FANCA: variants seen among roughly 807,000 people sequenced by gnomAD.
The protein encoded by FANCA is Fanconi anemia group A protein.
In FANCA, 236 loss-of-function variants were observed where a neutral mutation model predicts 194.3. That is an observed-to-expected ratio of 1.21 (90% CI 1.09 to 1.35). The LOEUF is 1.35. Among genes scored for constraint, FANCA ranks in the 40% most tolerant of loss-of-function variants. The pLI is 0.00. For synonymous variants in FANCA, 1,014 were observed against 715.8 expected (o/e 1.42, Z -6.65); for missense variants, 2,628 against 1,813.9 (o/e 1.45, Z -8.15).
intron 39 of FANCA, 135 bp from the exon 40 acceptor site, chr16:89,739,688 C>T: frequency 6.6e-7 from 1 of 1,515,720 alleles, no homozygotes; most frequent in African/African-American, 1.4e-5. Flanking sequence ...ACAGCCTGAG[C>T]TGAGGATACC....
intron 3 of FANCA, among the ~76,000 whole-genome samples, chr16:89,811,420 T>C (rs2040873791): frequency 6.6e-6 from 1 of 152,242 alleles, no homozygotes; most frequent in African/African-American, 2.4e-5. Context: ...GCAGGCTCTT[T>C]CAATTACATT....
In FANCA at chr16:89,769,902, A is replaced by C. The variant is rs2143332287; in HGVS notation, c.2439T>G (p.Pro813=). 1 of 1,614,100 alleles carries C rather than the reference A, an allele frequency of 6.2e-7. No individual in the cohort carries two copies. Among genetic ancestry groups the C allele is most frequent in the South Asian group, 1.1e-5 (1 of 91,084 alleles). Residue 813 remains proline, a synonymous_variant, in exon 26 of 43, where the codon CCT becomes CCG. Transcript: ENST00000389301. ...GGAGGCTGTCAAAGAGCGCAGGGAC[A>C]GGAAGGCCAGCACCAGGTGCAGGAG... ...VGPPAPGAGL[P]VPALFDSLLT...
At chr16:89,758,523 T>G in intron 30 of FANCA, 54 bp downstream of exon 30, 1 of 1,599,308 alleles carries the variant, frequency 6.3e-7, no homozygotes, top group East Asian at 2.2e-5. Flanking sequence ...CCTTTATATA[T>G]ATCCTATTAG....
chr16:89,811,038 C>A lies in FANCA; in HGVS notation c.317G>T (p.Gly106Val). 6.2e-7 allele frequency: 1 copy of A among 1,614,062 alleles called. No homozygotes were observed. The highest frequency in any genetic ancestry group is 8.5e-7 in the Non-Finnish European group (1 of 1,180,038). Residue 106 changes from glycine (G) to valine (V), a missense_variant, in exon 4 of 43, where the codon GGG (glycine) becomes GTG (valine). Transcript: ENST00000389301. ...GGCTGAGAGAATACCCACGGGAACC[C>A]CCAGCCTTGAGGCTTGATCCTGCAA... Reference protein sequence around the residue: ...SALQDQASRLGVPVGILSAGM... With the variant: ...SALQDQASRLVVPVGILSAGM...
At chr16:89,739,410 C>G in intron 40 of FANCA, 68 bp downstream of exon 40, 1 of 1,561,514 alleles carries the variant, frequency 6.4e-7, no homozygotes, top group Non-Finnish European at 8.7e-7. Context: ...CTGGCGGGAC[C>G]CAGAGGTGCT....
chr16:89,816,472 G>C (rs781314230), intron 1 of FANCA, 65 bp downstream of exon 1: 7 of 1,376,090 alleles, frequency 5.1e-6, no homozygotes. Context: ...GAAGGGATCG[G>C]GGAACCGGCG....
chr16:89,777,898 A>G (rs1294343048), intron 20 of FANCA, among the ~76,000 whole-genome samples: 1 of 151,984 alleles, frequency 6.6e-6, no homozygotes, highest in Non-Finnish European at 1.5e-5. Flanking sequence ...GCGGTAGCTC[A>G]CGCCTATAAT....
At chr16:89,778,627 TAAAAAAAAAAAAA>T (rs397693835) in intron 20 of FANCA, among the ~76,000 whole-genome samples, 161 bp downstream of exon 20, 15 of 29,936 alleles carry the variant, frequency 5.0e-4, no homozygotes, top group African/African-American at 1.5e-3. Flanking sequence ...AGACTCCAAC[TAAAAAAAAAAAAA>T]AAAAAAAAAA....
chr16:89,752,012 C>T (rs2143161902), intron 31 of FANCA, 126 bp downstream of exon 31: 4 of 811,044 alleles, frequency 4.9e-6, no homozygotes, highest in Admixed American at 3.4e-5. Flanking sequence ...CTGTGTGATC[C>T]GCCTGCCTCG....
At chr16:89,786,599 G>A (rs572657630) in intron 14 of FANCA, among the ~76,000 whole-genome samples, 1 of 152,184 alleles carries the variant, frequency 6.6e-6, no homozygotes, top group Non-Finnish European at 1.5e-5. Context: ...TTACAGGCAT[G>A]AACTATCACA....
At chr16:89,790,565 C>A (rs2040036299) in intron 14 of FANCA, among the ~76,000 whole-genome samples, 1 of 151,824 alleles carries the variant, frequency 6.6e-6, no homozygotes, top group Non-Finnish European at 1.5e-5. Flanking sequence ...CCCGTCTCTA[C>A]TAAAAATACA....
intron 30 of FANCA, among the ~76,000 whole-genome samples, chr16:89,755,829 C>T (rs2038748364): frequency 6.6e-6 from 1 of 151,496 alleles, no homozygotes; most frequent in Non-Finnish European, 1.5e-5. Flanking sequence ...CAGACCAGAG[C>T]CCCCCGCACA....
In FANCA at chr16:89,767,131, G is replaced by C. The variant is rs745601855; in HGVS notation, c.2601+10C>G. On this transcript the variant is annotated intron_variant, in intron 27 of 42. Transcript: ENST00000389301. ...GGCAGAATGGAAAAATAGGAAAAGA[G>C]TGAACCTACCTTTTTAATAAGGCCT... The C allele has an allele frequency of 1.3e-6, 2 of 1,598,026 alleles. No homozygotes were observed. The highest frequency in any genetic ancestry group is 1.7e-5 in the Admixed American group (1 of 60,006).
intron 31 of FANCA, among the ~76,000 whole-genome samples, chr16:89,751,635 A>G (rs1270401736): frequency 1.3e-5 from 2 of 152,196 alleles, no homozygotes; most frequent in African/African-American, 2.4e-5. Flanking sequence ...ACGGGTGGCC[A>G]GCACCAGTAA....
chr16:89,740,771 AGAG>A, intron 38 of FANCA, 30 bp downstream of exon 38: 8 of 1,600,908 alleles, frequency 5.0e-6, no homozygotes, highest in Non-Finnish European at 6.8e-6. Context: ...CCACAGTGGG[AGAG>A]GACACCTTGG....
At chr16:89,739,031 G>A (rs538139633) in intron 41 of FANCA, 57 bp from the exon 42 acceptor site, 2 of 1,614,108 alleles carry the variant, frequency 1.2e-6, no homozygotes, top group East Asian at 4.5e-5. Context: ...CAGGGCTGGT[G>A]TGTCCCCCAT....
intron 14 of FANCA, among the ~76,000 whole-genome samples, chr16:89,788,255 G>C (rs1044338589): frequency 1.3e-5 from 2 of 151,842 alleles, no homozygotes; most frequent in African/African-American, 4.8e-5. Context: ...AAACTCAAGA[G>C]ATCGAGACCA....
intron 3 of FANCA, among the ~76,000 whole-genome samples, chr16:89,813,529 T>G (rs927817134): frequency 2.0e-5 from 3 of 152,066 alleles, no homozygotes; most frequent in African/African-American, 7.2e-5. Context: ...GCCTCCCACG[T>G]TCAAGCAATT....
Position 89,773,353 on chromosome 16 carries a change from GT to G in FANCA, c.1931del (p.Asn644ThrfsTer17). 1.3e-6 allele frequency: 2 copies of G among 1,551,578 alleles called. No homozygotes were observed. Among genetic ancestry groups the G allele is most frequent in the Non-Finnish European group, 1.7e-6 (2 of 1,146,962 alleles). ...DAALGVRAEP[N>X]SAEEPLGQLT... ...GCTGTCCCAGGGGCTCCTCAGCAGA[GT>G]TGGGTTCTGCCCTCACTCCCAGGGC... On this transcript the variant is annotated frameshift_variant, in exon 22 of 43. Coordinates refer to ENST00000389301, the MANE Select transcript of FANCA (RefSeq NM_000135.4). LOFTEE classifies it high-confidence loss of function.
Sources: allele counts gnomAD v4.1 joint callset (sites outside exome capture counted in the v4.1 genomes callset), GRCh38; gene constraint gnomAD v4.1.1; transcripts MANE v1.5; gene names NCBI Gene and HGNC (gene_info 2026-07-23, HGNC 2026-07-21).